Variants in POLD1 observed in about 807,000 individuals in gnomAD.
POLD1 encodes DNA polymerase delta catalytic subunit.
POLD1 carries 79 observed loss-of-function variants against 129.7 expected under a neutral mutation model. The observed-to-expected ratio is 0.61, with a 90% confidence interval of 0.51 to 0.73. POLD1 has a LOEUF of 0.73. POLD1 is among the 30% of genes least tolerant of loss of function. The pLI, the probability that POLD1 is intolerant of heterozygous loss-of-function variation, is 0.00. For synonymous variants in POLD1, 714 were observed against 683.3 expected (o/e 1.04, Z -0.70); for missense variants, 1,338 against 1,595.8 (o/e 0.84, Z 2.75).
intron 2 of POLD1, 112 bp from the exon 3 acceptor site, chr19:50,399,259 C>T (rs966625697): frequency 8.7e-7 from 1 of 1,146,258 alleles, no homozygotes; most frequent in Non-Finnish European, 1.3e-6. Flanking sequence ...TTCCAAGTTT[C>T]CTGCCTGACC....
intron 14 of POLD1, among the ~76,000 whole-genome samples, chr19:50,407,936 G>T (rs904235065): frequency 6.6e-6 from 1 of 151,858 alleles, no homozygotes; most frequent in Non-Finnish European, 1.5e-5. Context: ...TACTTGGGAG[G>T]CTGAGCTGGG....
rs752937018 is a variant in POLD1, at chr19:50,413,495, G to A, written c.2224G>A (p.Glu742Lys). 2 of 1,611,804 alleles carry A rather than the reference G, an allele frequency of 1.2e-6. No individual in the cohort carries two copies. Among genetic ancestry groups the A allele is most frequent in the African/African-American group, 2.7e-5 (2 of 74,856 alleles). The change falls in exon 18 of 27, where the codon GAG becomes AAG. Residue 742 changes from glutamate to lysine, a missense_variant. Around this residue, in one of 3 missense-constraint regions of POLD1, gnomAD observed 720 missense variants for 1,002.6 expected, o/e 0.72. Coordinates refer to ENST00000440232, the MANE Select transcript of POLD1 (RefSeq NM_002691.4). ...KQLVESKYTV[E>K]NGYSTSAKVV... Reference sequence around the variant, plus strand: ...GCTGGTGGAGTCTAAGTACACAGTGGAGAATGGCTACAGCACCAGTGCCAA... The same window carrying A: ...GCTGGTGGAGTCTAAGTACACAGTGAAGAATGGCTACAGCACCAGTGCCAA...
chr19:50,415,982 T>C lies in POLD1; in HGVS notation c.2820+156T>C. ...CAGCCTGGGTGTGGCCTCGGCCCCCTCTGGAGGTCCCCCCTCTATTCTGAC... is the reference window on the plus strand; with the variant it reads ...CAGCCTGGGTGTGGCCTCGGCCCCCCCTGGAGGTCCCCCCTCTATTCTGAC... On this transcript the variant is annotated intron_variant, in intron 22 of 26. Transcript: ENST00000440232. The C allele has an allele frequency of 6.6e-6, 4 of 607,682 alleles. No homozygotes were observed. In the South Asian group the frequency reaches 8.0e-5, roughly 12 times the overall value. The allele number at this position is 607,682 out of a possible 1,614,324, so 37.6% of individuals were successfully genotyped here. A position where few individuals can be genotyped will look rare whatever the true frequency, so the allele number is the denominator to read the frequency against.
At chr19:50,389,623 A>G (rs574183195) in intron 1 of POLD1, among the ~76,000 whole-genome samples, 38 of 148,244 alleles carry the variant, frequency 2.6e-4, no homozygotes, top group African/African-American at 8.6e-4. Flanking sequence ...GTCTTGCTCT[A>G]TCGCCCAGGC....
chr19:50,389,953 G>A (rs572585242), intron 1 of POLD1, among the ~76,000 whole-genome samples: 1 of 149,736 alleles, frequency 6.7e-6, no homozygotes, highest in African/African-American at 2.5e-5. Context: ...TTGTCACCCA[G>A]GCTGGAGTGC....
Position 50,414,877 on chromosome 19 carries a change from G to GC in POLD1, c.2454dup (p.Asp819ArgfsTer40). The GC allele has an allele frequency of 6.2e-7, 1 of 1,606,540 alleles. No homozygotes were observed. Among genetic ancestry groups the GC allele is most frequent in the Non-Finnish European group, 8.5e-7 (1 of 1,175,234 alleles). On this transcript the variant is annotated frameshift_variant, in exon 20 of 27. Transcript: ENST00000440232. LOFTEE classifies it high-confidence loss of function. ...ACGCGGGCCTGCTCTTCTCCTCCCGGCCCGACGCCCACGACCGCATGGACT... is the reference window on the plus strand; with the variant it reads ...ACGCGGGCCTGCTCTTCTCCTCCCGGCCCCGACGCCCACGACCGCATGGACT...
Position 50,402,187 on chromosome 19 carries a change from A to T in POLD1, c.590-18A>T, listed in dbSNP as rs2122242553. The stretch of plus-strand genomic sequence containing the variant: ...CCTCGGGAGGCCATTGGCTGGTCCC[A>T]GCTTCTTCCATCCACAGGCATGTTT... On this transcript the variant is annotated intron_variant, in intron 5 of 26. Coordinates refer to ENST00000440232, the MANE Select transcript of POLD1 (RefSeq NM_002691.4). 1 of 1,584,232 alleles carries T rather than the reference A, an allele frequency of 6.3e-7. No individual in the cohort carries two copies. Among genetic ancestry groups the T allele is most frequent in the East Asian group, 2.2e-5 (1 of 44,604 alleles).
At chr19:50,393,107 C>T (rs569240573) in intron 1 of POLD1, among the ~76,000 whole-genome samples, 8 of 152,272 alleles carry the variant, frequency 5.3e-5, no homozygotes, top group South Asian at 2.1e-4. Flanking sequence ...CTACAGTGTA[C>T]GTCCCTAGAT....
At chr19:50,398,776 G>A (rs752547229) in intron 1 of POLD1, 75 bp from the exon 2 acceptor site, 30 of 1,551,470 alleles carry the variant, frequency 1.9e-5, no homozygotes, top group Non-Finnish European at 2.6e-5. Flanking sequence ...CATGGTGGGT[G>A]CATGGGATGC....
At chr19:50,393,590 C>T (rs2546557) in intron 1 of POLD1, among the ~76,000 whole-genome samples, 10,904 of 152,108 alleles carry the variant, frequency 0.072, 1,304 homozygotes, top group African/African-American at 0.24. Context: ...CACCTGAGCC[C>T]GGGAGGTCAA....
intron 1 of POLD1, among the ~76,000 whole-genome samples, chr19:50,384,719 G>T (rs911449658): frequency 6.6e-6 from 1 of 152,214 alleles, no homozygotes; most frequent in Non-Finnish European, 1.5e-5. Flanking sequence ...TGAGTACTCT[G>T]TGCCAGGCAC....
chr19:50,408,372 T>C (rs1400303971), intron 14 of POLD1, among the ~76,000 whole-genome samples: 1 of 151,770 alleles, frequency 6.6e-6, no homozygotes, highest in Non-Finnish European at 1.5e-5. Context: ...AGATTAATTA[T>C]ATATATTATT....
rs572354560 is a variant in POLD1 at position 50,402,154 on chromosome 19, GA to G, written c.589+31del. On this transcript the variant is annotated intron_variant, in intron 5 of 26. Transcript: ENST00000440232. ...GTGCTCCCCCAGGATCAGCGGGTTG[GA>G]GGGTCCCCTCGGGAGGCCATTGGCT... 1,833 of 1,598,750 alleles carry G rather than the reference GA, an allele frequency of 1.1e-3. 10 individuals carry two copies. In the African/African-American group the frequency reaches 0.013, roughly 11 times the overall value.
At chr19:50,393,279 T>C (rs896307801) in intron 1 of POLD1, among the ~76,000 whole-genome samples, 29 of 152,164 alleles carry the variant, frequency 1.9e-4, no homozygotes, top group African/African-American at 6.8e-4. Context: ...GAGCAGCCAC[T>C]AGTCTGATTT....
chr19:50,390,870 T>A (rs1306722487), intron 1 of POLD1, among the ~76,000 whole-genome samples: 4 of 152,066 alleles, frequency 2.6e-5, no homozygotes, highest in Non-Finnish European at 5.9e-5. Flanking sequence ...ACAGCACATG[T>A]TTCAGAGAGC....
intron 1 of POLD1, among the ~76,000 whole-genome samples, chr19:50,386,035 A>G (rs2037959812): frequency 2.0e-5 from 3 of 152,192 alleles, no homozygotes; most frequent in South Asian, 2.1e-4. Context: ...GCGCTGAGCT[A>G]TGGCGGAGCA....
At chr19:50,395,584 C>CA (rs536089528) in intron 1 of POLD1, among the ~76,000 whole-genome samples, 19,678 of 125,418 alleles carry the variant, frequency 0.16, 1,665 homozygotes, top group African/African-American at 0.25. Flanking sequence ...ACTCCGTCTC[C>CA]AAAAAAAAAA....
At position 50,414,881 on chromosome 19, in the gene POLD1, GAC is replaced by G. The variant is rs1568636891; in HGVS notation, c.2456_2457del (p.Asp819GlyfsTer39). 6.2e-7 allele frequency: 1 copy of G among 1,606,976 alleles called. No homozygotes were observed. On this transcript the variant is annotated frameshift_variant, in exon 20 of 27. Coordinates refer to ENST00000440232, the MANE Select transcript of POLD1 (RefSeq NM_002691.4). LOFTEE classifies it high-confidence loss of function. Reference sequence around the variant, plus strand: ...GGGCCTGCTCTTCTCCTCCCGGCCCGACGCCCACGACCGCATGGACTGCAAGG... The same window carrying G: ...GGGCCTGCTCTTCTCCTCCCGGCCCGGCCCACGACCGCATGGACTGCAAGG... ...YAGLLFSSRPDAHDRMDCKGL... is the reference protein window; with the variant it reads ...YAGLLFSSRPXAHDRMDCKGL...
rs2038883712 is a variant in POLD1, at chr19:50,406,400, C to CACCT, written c.1384-5_1384-2dup. ...CCCGCAGCCCACCAGCCCACCCACC[C>CACCT]ACCTAGGTGCTGCTGCGGGAGTACA... On this transcript the variant is annotated splice_polypyrimidine_tract_variant and splice_region_variant and intron_variant, in intron 11 of 26. Transcript: ENST00000440232. This position sits in a 1 kb window ranked among gnomAD's most constrained non-coding sequence, Gnocchi z 5.5. 1 of 1,606,060 alleles carries CACCT rather than the reference C, an allele frequency of 6.2e-7. No individual in the cohort carries two copies. The highest frequency in any genetic ancestry group is 1.1e-5 in the South Asian group (1 of 90,426).
Sources: allele counts gnomAD v4.1 joint callset (sites outside exome capture counted in the v4.1 genomes callset), GRCh38; gene constraint gnomAD v4.1.1; regional missense constraint gnomAD v4.1.1; non-coding constraint Gnocchi (gnomAD v3.1); transcripts MANE v1.5; gene names NCBI Gene and HGNC (gene_info 2026-07-23, HGNC 2026-07-21).